The following DEPDC1B variants were observed in gnomAD, a reference collection of about 807,000 sequenced individuals.
The protein encoded by DEPDC1B is DEP domain containing 1B, also known as DEP domain-containing protein 1B.
DEPDC1B carries 51 observed loss-of-function variants against 66.5 expected under a neutral mutation model. That is an observed-to-expected ratio of 0.77 (90% CI 0.61 to 0.97). The LOEUF (loss-of-function observed/expected upper bound fraction) is 0.97, where lower values mean the gene tolerates loss of function less well. DEPDC1B is among the 50% of genes least tolerant of loss of function. DEPDC1B has a pLI of 0.00. For synonymous variants in DEPDC1B, 226 were observed against 223.6 expected (o/e 1.01, Z -0.10); for missense variants, 552 against 637.1 (o/e 0.87, Z 1.44).
chr5:60,639,299 T>C (rs1009594269), intron 6 of DEPDC1B, among the ~76,000 whole-genome samples: 2 of 152,218 alleles, frequency 1.3e-5, no homozygotes, highest in African/African-American at 2.4e-5. Flanking sequence ...AGCTCACATA[T>C]GTAACAGACA....
intron 1 of DEPDC1B, among the ~76,000 whole-genome samples, chr5:60,688,799 G>A (rs1754481147): frequency 6.6e-6 from 1 of 152,052 alleles, no homozygotes; most frequent in Non-Finnish European, 1.5e-5. Context: ...TCAGATTTTG[G>A]GAGTCAAAAA....
At chr5:60,668,233 TTA>T (rs3989097) in intron 2 of DEPDC1B, among the ~76,000 whole-genome samples, 2 of 27,108 alleles carry the variant, frequency 7.4e-5, no homozygotes, top group South Asian at 7.9e-4. Context: ...AATGGATATT[TTA>T]TATATATATA....
In DEPDC1B at chr5:60,603,561, GA is replaced by G; in HGVS notation, c.1071del (p.Gln358ArgfsTer20). On this transcript the variant is annotated frameshift_variant, in exon 9 of 11. Coordinates refer to ENST00000265036, the MANE Select transcript of DEPDC1B (RefSeq NM_018369.3). LOFTEE classifies it high-confidence loss of function. ...CACAAGATGCAACGGGAAAATGTCTGAACCATCTAAAAAAAGAGCGGGGTGG... is the reference window on the plus strand; with the variant it reads ...CACAAGATGCAACGGGAAAATGTCTGACCATCTAAAAAAAGAGCGGGGTGG... Reference protein sequence around the residue: ...CDGFGTRTLMVQTFSRCILCS... With the variant: ...CDGFGTRTLMXQTFSRCILCS... The G allele has an allele frequency of 1.3e-6, 2 of 1,591,892 alleles. No homozygotes were observed. The highest frequency in any genetic ancestry group is 1.7e-6 in the Non-Finnish European group (2 of 1,172,976).
intron 1 of DEPDC1B, among the ~76,000 whole-genome samples, chr5:60,696,781 G>T (rs1001050505): frequency 6.6e-6 from 1 of 152,094 alleles, no homozygotes; most frequent in African/African-American, 2.4e-5. Context: ...TTCTTAACAT[G>T]ATGAGGCAAA....
chr5:60,645,824 G>A (rs911563268), intron 3 of DEPDC1B, among the ~76,000 whole-genome samples: 12 of 152,144 alleles, frequency 7.9e-5, no homozygotes, highest in Non-Finnish European at 1.6e-4. Flanking sequence ...CTTAAGACTA[G>A]GTCATGTTAT....
chr5:60,659,989 C>T (rs755169916), intron 2 of DEPDC1B, among the ~76,000 whole-genome samples: 6 of 152,092 alleles, frequency 3.9e-5, no homozygotes, highest in Non-Finnish European at 7.4e-5. Context: ...TAACCCAGTA[C>T]TTTAACAACT....
intron 7 of DEPDC1B, among the ~76,000 whole-genome samples, chr5:60,613,153 G>A (rs1288255955): frequency 6.6e-6 from 1 of 152,110 alleles, no homozygotes; most frequent in African/African-American, 2.4e-5. Context: ...TTTAAAATAG[G>A]GTGCTAAGAT....
intron 7 of DEPDC1B, among the ~76,000 whole-genome samples, chr5:60,617,074 G>C (rs1178042641): frequency 3.3e-5 from 5 of 152,130 alleles, no homozygotes; most frequent in Admixed American, 2.6e-4. Flanking sequence ...ATCCTTTACA[G>C]ACAAGCAAAT....
intron 1 of DEPDC1B, among the ~76,000 whole-genome samples, chr5:60,695,613 TA>T: frequency 6.6e-6 from 1 of 152,182 alleles, no homozygotes; most frequent in Non-Finnish European, 1.5e-5. Flanking sequence ...CATGCTTTTC[TA>T]AATGAACAGA....
chr5:60,638,185 T>C (rs529204225), intron 7 of DEPDC1B, among the ~76,000 whole-genome samples: 1 of 152,286 alleles, frequency 6.6e-6, no homozygotes, highest in East Asian at 1.9e-4. Flanking sequence ...ACTATAACAA[T>C]ATTGTTGATT....
At position 60,597,824 on chromosome 5, in the gene DEPDC1B, G is replaced by A. The variant is rs780761454; in HGVS notation, c.1519C>T (p.Pro507Ser). ...TTTAGTGCCCACATTAGCAGCTGTG[G>A]TTTCGGTTTGGGTTTTTCAGGAAAC... ...LLFPEKPKPK[P>S]QLLMWALKKP... Residue 507 changes from proline (P) to serine (S), a missense_variant, in exon 11 of 11, where the codon CCA becomes TCA. Coordinates refer to ENST00000265036, the MANE Select transcript of DEPDC1B (RefSeq NM_018369.3). 18 of 1,613,494 alleles carry A rather than the reference G, an allele frequency of 1.1e-5. No homozygotes were observed. Among genetic ancestry groups the A allele is most frequent in the Middle Eastern group, 1.7e-4 (1 of 6,056 alleles).
chr5:60,663,173 G>C (rs1486652727), intron 2 of DEPDC1B, among the ~76,000 whole-genome samples: 1 of 152,106 alleles, frequency 6.6e-6, no homozygotes, highest in African/African-American at 2.4e-5. Flanking sequence ...CCTGAAGTCT[G>C]GGCAACAAAA....
Position 60,599,087 on chromosome 5 carries a change from C to T in DEPDC1B, c.1416G>A (p.Lys472=). The stretch of plus-strand genomic sequence containing the variant: ...AATATCCTTTTACCTGCTTCAGTTT[C>T]TTCTTTTTCTCTTTGTTGGAGAGTT... ...DAKLSNKEKK[K]KLKQFQKSYP... The change falls in exon 10 of 11, where the codon AAG becomes AAA. Residue 472 remains lysine (K), a synonymous_variant. Transcript: ENST00000265036. 1 of 1,589,822 alleles carries T rather than the reference C, an allele frequency of 6.3e-7. No homozygotes were observed.
At chr5:60,602,170 G>A (rs1304043731) in intron 9 of DEPDC1B, among the ~76,000 whole-genome samples, 1 of 148,888 alleles carries the variant, frequency 6.7e-6, no homozygotes, top group Non-Finnish European at 1.5e-5. Context: ...AAGGAGGGAA[G>A]GAAGGAAGGG....
intron 7 of DEPDC1B, among the ~76,000 whole-genome samples, chr5:60,607,714 C>T (rs1752339571): frequency 6.6e-6 from 1 of 152,140 alleles, no homozygotes; most frequent in African/African-American, 2.4e-5. Context: ...CAGGAAGGCC[C>T]TCTCTAAGGA....
At chr5:60,604,417 C>G (rs1409463130) in intron 8 of DEPDC1B, among the ~76,000 whole-genome samples, 1 of 151,436 alleles carries the variant, frequency 6.6e-6, no homozygotes, top group African/African-American at 2.4e-5. Flanking sequence ...GACGGGGTTT[C>G]ACCATGTTGG....
At chr5:60,620,762 C>G (rs1752683034) in intron 7 of DEPDC1B, among the ~76,000 whole-genome samples, 1 of 152,152 alleles carries the variant, frequency 6.6e-6, no homozygotes, top group Admixed American at 6.5e-5. Context: ...ACTAGAAATA[C>G]CATTTGACCC....
At chr5:60,699,618 C>T (rs918524016) in intron 1 of DEPDC1B, among the ~76,000 whole-genome samples, 10 of 152,060 alleles carry the variant, frequency 6.6e-5, no homozygotes, top group African/African-American at 2.4e-4. Flanking sequence ...AATACCCCGT[C>T]AGGTATCATC....
At chr5:60,611,558 T>C (rs1208917201) in intron 7 of DEPDC1B, among the ~76,000 whole-genome samples, 1 of 152,194 alleles carries the variant, frequency 6.6e-6, no homozygotes, top group Non-Finnish European at 1.5e-5. Flanking sequence ...GAAAAGTTCT[T>C]GAAAGAGACT....
Sources: allele counts gnomAD v4.1 joint callset (sites outside exome capture counted in the v4.1 genomes callset), GRCh38; gene constraint gnomAD v4.1.1; transcripts MANE v1.5; gene names NCBI Gene and HGNC (gene_info 2026-07-23, HGNC 2026-07-21).